The following AP3B2 variants were observed in gnomAD, a reference collection of about 807,000 sequenced individuals.
The protein encoded by AP3B2 is AP-3 complex subunit beta-2.
In AP3B2, 50 loss-of-function variants were observed where a neutral mutation model predicts 126.9. The observed-to-expected ratio is 0.39, with a 90% CI of 0.31 to 0.50. The LOEUF (loss-of-function observed/expected upper bound fraction) is 0.50, where lower values mean the gene tolerates loss of function less well. Among genes scored for constraint, AP3B2 ranks in the 20% least tolerant of loss-of-function variants. The probability of loss-of-function intolerance (pLI) is 0.79; values close to 1 mark genes in which losing one functional copy is unlikely to be tolerated. For missense variants in AP3B2, 1,177 were observed against 1,426.4 expected (o/e 0.83, Z 2.82); for synonymous variants, 541 against 565.0 (o/e 0.96, Z 0.60).
rs891566483 is a variant in AP3B2 at position 82,709,659 on chromosome 15, G to C, written c.48C>G (p.Gly16=). ...AYSEDKGGSA[G]PGEPEYGHDP... is the part of the protein sequence containing the mutation. Reference sequence around the variant, plus strand: ...CGTGGCCGTACTCGGGCTCCCCGGGGCCAGCGGAGCCGCCCTTGTCTTCGC... The same window carrying C: ...CGTGGCCGTACTCGGGCTCCCCGGGCCCAGCGGAGCCGCCCTTGTCTTCGC... Residue 16 remains glycine, a synonymous_variant, in exon 1 of 27, where the codon GGC becomes GGG. Transcript: ENST00000535359. 3.3e-6 allele frequency: 5 copies of C among 1,512,486 alleles called. No individual in the cohort carries two copies. The African/African-American group carries it at 7.2e-5, about 22-fold the overall frequency. 93.7% of individuals were successfully genotyped at this position (1,512,486 alleles called of 1,614,324 possible).
chr15:82,698,421 A>G (rs1567274714), intron 1 of AP3B2, among the ~76,000 whole-genome samples: 1 of 151,212 alleles, frequency 6.6e-6, no homozygotes, highest in Non-Finnish European at 1.5e-5. Flanking sequence ...CTACAGACAT[A>G]TATCACAAGA....
intron 1 of AP3B2, among the ~76,000 whole-genome samples, chr15:82,695,050 A>C (rs1188857301): frequency 6.6e-6 from 1 of 151,854 alleles, no homozygotes; most frequent in Non-Finnish European, 1.5e-5. Flanking sequence ...TGGGTGATAG[A>C]AGCATCTTTT....
At position 82,677,329 on chromosome 15, in the gene AP3B2, G is replaced by A; in HGVS notation, c.1433C>T (p.Pro478Leu). The change falls in exon 13 of 27, where the codon CCA (proline) becomes CTA (leucine). Residue 478 changes from proline (P) to leucine (L), a missense_variant. This residue lies in a region of AP3B2 where 308 missense variants were observed against 452.4 expected (regional missense o/e 0.68). Transcript: ENST00000535359. ...TTTGATGATCTCTCCATGTTGTGCT[G>A]GCTGCATCTGTAGCAATTTCTTAAT... ...VVIKKLLQMQ[P>L]AQHGEIIKHL... 1 of 1,613,926 alleles carries A rather than the reference G, an allele frequency of 6.2e-7. No individual in the cohort carries two copies. The highest frequency in any genetic ancestry group is 8.5e-7 in the Non-Finnish European group (1 of 1,179,874).
rs2048044995 is a variant in AP3B2 at position 82,665,616 on chromosome 15, G to C, written c.1853-41C>G. On this transcript the variant is annotated intron_variant, in intron 15 of 26. Transcript: ENST00000535359. The surrounding 1 kb of genome is among the most constrained non-coding windows in gnomAD (Gnocchi z 4.4). ...GAGGTCAGGCAGGTAGCAGCAGTGAGGGAAAGCTCTGGGAGCTGTTTTCCA... is the reference window on the plus strand; with the variant it reads ...GAGGTCAGGCAGGTAGCAGCAGTGACGGAAAGCTCTGGGAGCTGTTTTCCA... 1 of 1,516,162 alleles carries C rather than the reference G, an allele frequency of 6.6e-7. No individual in the cohort carries two copies. Among genetic ancestry groups the C allele is most frequent in the Admixed American group, 1.7e-5 (1 of 58,808 alleles). The allele number at this position is 1,516,162 out of a possible 1,614,324, so 93.9% of individuals were successfully genotyped here.
intron 1 of AP3B2, among the ~76,000 whole-genome samples, chr15:82,697,069 C>T (rs980989665): frequency 1.5e-4 from 23 of 152,124 alleles, no homozygotes; most frequent in African/African-American, 5.6e-4. Context: ...CGGTGGCTCA[C>T]GCCTGTAATC....
chr15:82,679,522 C>G (rs907041103), intron 10 of AP3B2, among the ~76,000 whole-genome samples: 4 of 152,142 alleles, frequency 2.6e-5, no homozygotes, highest in Non-Finnish European at 4.4e-5. Flanking sequence ...AGGTGTATAC[C>G]AGGTACTAGG....
At chr15:82,697,092 G>A (rs1365632818) in intron 1 of AP3B2, among the ~76,000 whole-genome samples, 1 of 152,164 alleles carries the variant, frequency 6.6e-6, no homozygotes, top group Non-Finnish European at 1.5e-5. Context: ...AGCACTTTGG[G>A]AGGCCAAGGC....
At chr15:82,673,386 G>A (rs192940488) in intron 14 of AP3B2, among the ~76,000 whole-genome samples, 109 of 152,140 alleles carry the variant, frequency 7.2e-4, no homozygotes, top group African/African-American at 2.6e-3. Context: ...TAATTTTTTT[G>A]TACTTTTAGT....
intron 15 of AP3B2, 81 bp downstream of exon 15, chr15:82,666,666 C>A (rs2048064479): frequency 2.0e-6 from 3 of 1,472,640 alleles, no homozygotes; most frequent in Non-Finnish European, 2.7e-6. Flanking sequence ...TGGCTAGGGG[C>A]CTCAGGAAGG....
intron 24 of AP3B2, 123 bp from the exon 25 acceptor site, chr15:82,662,045 A>G (rs769127691): frequency 3.2e-5 from 42 of 1,300,594 alleles, no homozygotes; most frequent in Non-Finnish European, 4.3e-5. Flanking sequence ...AGGGCCTGAG[A>G]TGGCTTCCAG....
At position 82,680,074 on chromosome 15, in the gene AP3B2, A is replaced by G. The variant is rs552371529; in HGVS notation, c.1110+101T>C. 2.7e-6 allele frequency: 4 copies of G among 1,497,024 alleles called. No individual in the cohort carries two copies. The East Asian group carries it at 7.1e-5, about 26-fold the overall frequency. 92.7% of individuals were successfully genotyped at this position (1,497,024 alleles called of 1,614,324 possible). A position where few individuals can be genotyped will look rare whatever the true frequency, so the allele number is the denominator to read the frequency against. On this transcript the variant is annotated intron_variant, in intron 9 of 26. Transcript: ENST00000535359. This position sits in a 1 kb window ranked among gnomAD's most constrained non-coding sequence, Gnocchi z 6.1. Reference sequence around the variant, plus strand: ...CTCTGCACAGCCAGGGTATTCCTCCATCTTCCCTTTCCCCGGCCCCGGTCC... The same window carrying G: ...CTCTGCACAGCCAGGGTATTCCTCCGTCTTCCCTTTCCCCGGCCCCGGTCC...
chr15:82,662,594 G>T, intron 23 of AP3B2, 100 bp downstream of exon 23: 1 of 1,139,084 alleles, frequency 8.8e-7, no homozygotes. Flanking sequence ...TGCCCCTATA[G>T]CTTGGCCCCT....
rs1415249771 is a variant in AP3B2, at chr15:82,690,693, G to A, written c.114-1240C>T. Among the ~76,000 whole-genome samples, 16 of 106,616 alleles carry A rather than the reference G, an allele frequency of 1.5e-4. 1 individual carries two copies. The East Asian group carries it at 4.1e-3, about 28-fold the overall frequency. The allele number at this position is 106,616 out of a possible 152,430, so 69.9% of individuals were successfully genotyped here. On this transcript the variant is annotated intron_variant, in intron 1 of 26. Coordinates refer to ENST00000535359, the MANE Select transcript of AP3B2 (RefSeq NM_001278512.2). ...TTGTGAGATGGAGTCTCGCTCTGTC[G>A]CCCAGGCTGGAGTGCAGTGGCGCAA... is the stretch of plus-strand genomic sequence containing the variant.
At position 82,665,381 on chromosome 15, in the gene AP3B2, ACACACACACACACACACACAC is replaced by A; in HGVS notation, c.1971+55_1971+75del. On this transcript the variant is annotated intron_variant, in intron 16 of 26. Coordinates refer to ENST00000535359, the MANE Select transcript of AP3B2 (RefSeq NM_001278512.2). This position sits in a 1 kb window ranked among gnomAD's most constrained non-coding sequence, Gnocchi z 4.4. Reference sequence around the variant, plus strand: ...CCCTACTGTCTGCCCCCACCAACACACACACACACACACACACACACACACACACACACACACACACACACA... The same window carrying A: ...CCCTACTGTCTGCCCCCACCAACACAACACACACACACACACACACACACA... 3 of 54,640 alleles carry A rather than the reference ACACACACACACACACACACAC, an allele frequency of 5.5e-5. No individual in the cohort carries two copies. The highest frequency in any genetic ancestry group is 9.5e-5 in the Non-Finnish European group (3 of 31,740). The allele number at this position is 54,640 out of a possible 1,614,324, so 3.4% of individuals were successfully genotyped here.
At chr15:82,663,687 G>A in intron 20 of AP3B2, 67 bp from the exon 21 acceptor site, 1 of 1,611,176 alleles carries the variant, frequency 6.2e-7, no homozygotes, top group Non-Finnish European at 8.5e-7. Flanking sequence ...GGGTTGGGTA[G>A]AAGATGTCAT....
rs781403891 is a variant in AP3B2 at position 82,680,240 on chromosome 15, G to A, written c.1056-11C>T. ...ACGTACTGCACCTCACTGCGGAGAG[G>A]ACGGGTCAGAGCACCCCGGGCCCCT... On this transcript the variant is annotated splice_polypyrimidine_tract_variant and intron_variant, in intron 8 of 26. Transcript: ENST00000535359. The surrounding 1 kb of genome is among the most constrained non-coding windows in gnomAD (Gnocchi z 6.1). 1 of 1,613,562 alleles carries A rather than the reference G, an allele frequency of 6.2e-7. No individual in the cohort carries two copies. The highest frequency in any genetic ancestry group is 2.2e-5 in the East Asian group (1 of 44,864).
intron 23 of AP3B2, 190 bp from the exon 24 acceptor site, chr15:82,662,442 A>G: frequency 1.6e-6 from 1 of 644,672 alleles, no homozygotes; most frequent in Non-Finnish European, 2.7e-6. Context: ...TCCCCCACTC[A>G]CCCTCACCAC....
At position 82,664,333 on chromosome 15, in the gene AP3B2, A is replaced by G. The variant is rs1232281459; in HGVS notation, c.2261+34T>C. On this transcript the variant is annotated intron_variant, in intron 19 of 26. Coordinates refer to ENST00000535359, the MANE Select transcript of AP3B2 (RefSeq NM_001278512.2). The surrounding 1 kb of genome is among the most constrained non-coding windows in gnomAD (Gnocchi z 4.5). Reference sequence around the variant, plus strand: ...CCCTCTTTCCAGGAAAGCCCCCTGAACCCCACCAGCCATCTGGCTAGCTCC... The same window carrying G: ...CCCTCTTTCCAGGAAAGCCCCCTGAGCCCCACCAGCCATCTGGCTAGCTCC... 1 of 1,612,880 alleles carries G rather than the reference A, an allele frequency of 6.2e-7. No homozygotes were observed. Among genetic ancestry groups the G allele is most frequent in the South Asian group, 1.1e-5 (1 of 91,014 alleles).
intron 4 of AP3B2, among the ~76,000 whole-genome samples, chr15:82,683,047 GTTTTTTTTTTTTTTT>G (rs61213011): frequency 3.9e-5 from 3 of 77,716 alleles, no homozygotes; most frequent in Admixed American, 1.8e-4. Context: ...TGCACCAGGA[GTTTTTTTTTTTTTTT>G]TTTTTTTTTT....
Sources: allele counts gnomAD v4.1 joint callset (sites outside exome capture counted in the v4.1 genomes callset), GRCh38; gene constraint gnomAD v4.1.1; regional missense constraint gnomAD v4.1.1; non-coding constraint Gnocchi (gnomAD v3.1); transcripts MANE v1.5; gene names NCBI Gene and HGNC (gene_info 2026-07-23, HGNC 2026-07-21).